Variants in UPF2 observed in about 807,000 individuals in gnomAD.
UPF2 encodes regulator of nonsense transcripts 2.
UPF2 carries 17 observed loss-of-function variants against 141.4 expected under a neutral mutation model. The observed-to-expected ratio is 0.12, with a 90% CI of 0.08 to 0.18. The LOEUF is 0.18. Among genes scored for constraint, UPF2 ranks in the 10% least tolerant of loss-of-function variants. The pLI, the probability that UPF2 is intolerant of heterozygous loss-of-function variation, is 1.00. For synonymous variants in UPF2, 540 were observed against 498.0 expected, an observed-to-expected ratio of 1.08 and a Z score of -1.12; for missense variants, 1,152 against 1,515.9, an observed-to-expected ratio of 0.76 and a Z score of 3.99.
intron 9 of UPF2, among the ~76,000 whole-genome samples, chr10:11,969,288 G>A (rs1042629382): frequency 2.6e-4 from 39 of 151,542 alleles, no homozygotes; most frequent in Non-Finnish European, 1.0e-4. Context: ...TCCTGCCTCA[G>A]CCTCCCGAGT....
At position 11,936,213 on chromosome 10, in the gene UPF2, T is replaced by C. The variant is rs1481148826; in HGVS notation, c.3546+332A>G. On this transcript the variant is annotated intron_variant, in intron 19 of 21. Coordinates refer to ENST00000357604, the MANE Select transcript of UPF2 (RefSeq NM_015542.4). The surrounding 1 kb of genome is among the most constrained non-coding windows in gnomAD (Gnocchi z 6.6). Reference sequence around the variant, plus strand: ...GGTGAAACCTTGTCTCTACTAAAAATACAAAAATTAGCCGGGCGTCATGGT... The same window carrying C: ...GGTGAAACCTTGTCTCTACTAAAAACACAAAAATTAGCCGGGCGTCATGGT... Among the ~76,000 whole-genome samples the C allele has an allele frequency of 6.6e-6, 1 of 151,730 alleles. No homozygotes were observed. Among genetic ancestry groups the C allele is most frequent in the Non-Finnish European group, 1.5e-5 (1 of 67,950 alleles).
intron 14 of UPF2, 107 bp from the exon 15 acceptor site, chr10:11,952,356 AG>A (rs1467895511): frequency 6.1e-6 from 6 of 985,648 alleles, no homozygotes; most frequent in South Asian, 5.9e-5. Flanking sequence ...CTAAGCTGAA[AG>A]GTTATAAAAG....
chr10:11,952,371 C>G (rs1015419153), intron 14 of UPF2, 122 bp from the exon 15 acceptor site: 5 of 823,056 alleles, frequency 6.1e-6, no homozygotes, highest in Non-Finnish European at 9.0e-6. Context: ...ATAAAAGACA[C>G]TTACCATTTC....
chr10:11,936,825 G>A lies in UPF2; in HGVS notation c.3379-113C>T. The A allele has an allele frequency of 9.7e-7, 1 of 1,034,252 alleles. No individual in the cohort carries two copies. Among genetic ancestry groups the A allele is most frequent in the Non-Finnish European group, 1.3e-6 (1 of 750,028 alleles). The allele number at this position is 1,034,252 out of a possible 1,614,324, so 64.1% of individuals were successfully genotyped here. ...ATTTCTTAAAACACAACAATCATAA[G>A]AGCCATAACAGTCAACAATTACAAC... On this transcript the variant is annotated intron_variant, in intron 18 of 21. Coordinates refer to ENST00000357604, the MANE Select transcript of UPF2 (RefSeq NM_015542.4). This position sits in a 1 kb window ranked among gnomAD's most constrained non-coding sequence, Gnocchi z 6.6.
At chr10:11,948,143 G>A (rs1833026764) in intron 16 of UPF2, among the ~76,000 whole-genome samples, 1 of 151,246 alleles carries the variant, frequency 6.6e-6, no homozygotes, top group Non-Finnish European at 1.5e-5. Flanking sequence ...AGCTACTCGG[G>A]AGGCTGAGGC....
chr10:11,923,509 C>T (rs1469397711), intron 21 of UPF2, among the ~76,000 whole-genome samples: 8 of 152,062 alleles, frequency 5.3e-5, no homozygotes, highest in South Asian at 4.2e-4. Flanking sequence ...GGTGAAACCC[C>T]GTCTCTACTA....
intron 11 of UPF2, among the ~76,000 whole-genome samples, chr10:11,960,699 G>T (rs1450230469): frequency 1.3e-5 from 2 of 152,140 alleles, no homozygotes; most frequent in African/African-American, 4.8e-5. Context: ...GAACCCAGGA[G>T]TTCAAGGCCG....
rs911717470 is a variant in UPF2 at position 11,992,549 on chromosome 10, C to T, written c.1844+5123G>A. On this transcript the variant is annotated intron_variant, in intron 8 of 21. Transcript: ENST00000357604. The surrounding 1 kb of genome is among the most constrained non-coding windows in gnomAD (Gnocchi z 4.1). ...GTAATAAAATAATAATGCAAACCTTCCTAAAACCAAGAAACATACACTCAT... is the reference window on the plus strand; with the variant it reads ...GTAATAAAATAATAATGCAAACCTTTCTAAAACCAAGAAACATACACTCAT... 2.0e-5 allele frequency among the ~76,000 whole-genome samples: 3 copies of T among 151,958 alleles called. No individual in the cohort carries two copies. The highest frequency in any genetic ancestry group is 4.8e-5 in the African/African-American group (2 of 41,380).
intron 2 of UPF2, 84 bp downstream of exon 2, chr10:12,034,975 G>A (rs1834595588): frequency 1.7e-5 from 25 of 1,496,120 alleles, no homozygotes; most frequent in South Asian, 5.6e-5. Flanking sequence ...CACCCAGGAC[G>A]CTATATTTCA....
intron 18 of UPF2, among the ~76,000 whole-genome samples, chr10:11,942,200 G>A (rs928537708): frequency 6.6e-6 from 1 of 151,944 alleles, no homozygotes; most frequent in Non-Finnish European, 1.5e-5. Flanking sequence ...ACGGTAAAAC[G>A]CTGTCTCTAC....
intron 10 of UPF2, among the ~76,000 whole-genome samples, chr10:11,965,334 T>A (rs1332545085): frequency 6.6e-6 from 1 of 152,250 alleles, no homozygotes; most frequent in Non-Finnish European, 1.5e-5. Flanking sequence ...CAGAACATTT[T>A]CATAATCCCT....
intron 4 of UPF2, among the ~76,000 whole-genome samples, chr10:12,006,253 G>C (rs1440283482): frequency 6.6e-6 from 1 of 152,192 alleles, no homozygotes; most frequent in East Asian, 1.9e-4. Flanking sequence ...GAAGCGTACA[G>C]ATCTCTTATT....
Position 11,980,585 on chromosome 10 carries a change from T to G in UPF2, c.1845-1420A>C, listed in dbSNP as rs983179799. ...CCATCTCTACCAAAAATATAAAAAT[T>G]AGCTGGGCGTGGTGACAGATGCCTG... On this transcript the variant is annotated intron_variant, in intron 8 of 21. Coordinates refer to ENST00000357604, the MANE Select transcript of UPF2 (RefSeq NM_015542.4). This position sits in a 1 kb window ranked among gnomAD's most constrained non-coding sequence, Gnocchi z 4.2. Among the ~76,000 whole-genome samples, 2 of 151,768 alleles carry G rather than the reference T, an allele frequency of 1.3e-5. No individual in the cohort carries two copies. The highest frequency in any genetic ancestry group is 1.3e-4 in the Admixed American group (2 of 15,214).
At chr10:12,038,913 C>T (rs1055551491) in intron 1 of UPF2, among the ~76,000 whole-genome samples, 11 of 152,032 alleles carry the variant, frequency 7.2e-5, no homozygotes, top group Admixed American at 2.6e-4. Flanking sequence ...TCCATCCTCC[C>T]GCCTCGGCCT....
rs1834223616 is a variant in UPF2, at chr10:12,016,558, G to A, written c.1146-2374C>T. ...AAAATACAAAAATTAGCCGGGTGTG[G>A]TGGTAGGTGCCTGTAATCCCAGCTA... On this transcript the variant is annotated intron_variant, in intron 3 of 21. Transcript: ENST00000357604. The surrounding 1 kb of genome is among the most constrained non-coding windows in gnomAD (Gnocchi z 4.1). 1.3e-5 allele frequency among the ~76,000 whole-genome samples: 2 copies of A among 152,010 alleles called. No homozygotes were observed. The highest frequency in any genetic ancestry group is 1.3e-4 in the Admixed American group (2 of 15,244).
intron 3 of UPF2, among the ~76,000 whole-genome samples, chr10:12,015,112 A>G (rs1306571510): frequency 6.6e-6 from 1 of 152,222 alleles, no homozygotes; most frequent in African/African-American, 2.4e-5. Flanking sequence ...TGGTACTATA[A>G]TATTTGAAAT....
At chr10:12,017,389 A>T (rs1195699110) in intron 3 of UPF2, among the ~76,000 whole-genome samples, 2 of 152,260 alleles carry the variant, frequency 1.3e-5, no homozygotes, top group Non-Finnish European at 2.9e-5. Context: ...AGCAGTAGCA[A>T]GGTGATGACT....
intron 7 of UPF2, among the ~76,000 whole-genome samples, chr10:11,999,603 G>A (rs1421480393): frequency 1.3e-5 from 2 of 151,094 alleles, no homozygotes; most frequent in African/African-American, 4.9e-5. Context: ...CCCAGGAAGT[G>A]CCTCAAAGCC....
chr10:11,951,812 T>C (rs555568316), intron 15 of UPF2, among the ~76,000 whole-genome samples: 2 of 151,066 alleles, frequency 1.3e-5, no homozygotes, highest in Admixed American at 1.3e-4. Flanking sequence ...GGATTGTGGG[T>C]TTTTTTTCCC....
Sources: allele counts gnomAD v4.1 joint callset (sites outside exome capture counted in the v4.1 genomes callset), GRCh38; gene constraint gnomAD v4.1.1; non-coding constraint Gnocchi (gnomAD v3.1); transcripts MANE v1.5; gene names NCBI Gene and HGNC (gene_info 2026-07-23, HGNC 2026-07-21).